The following RGL1 variants were observed in gnomAD, a reference collection of about 807,000 sequenced individuals.
RGL1 encodes the protein ral guanine nucleotide dissociation stimulator like 1, also known as ral guanine nucleotide dissociation stimulator-like 1.
In RGL1, 24 loss-of-function variants were observed where a neutral mutation model predicts 95.2. That is an observed-to-expected ratio of 0.25 (90% confidence interval 0.18 to 0.35). The LOEUF (loss-of-function observed/expected upper bound fraction) is 0.35, where lower values mean the gene tolerates loss of function less well. Among genes scored for constraint, RGL1 ranks in the 10% least tolerant of loss-of-function variants. The probability of loss-of-function intolerance (pLI) is 1.00; values close to 1 mark genes in which losing one functional copy is unlikely to be tolerated. For synonymous variants in RGL1, 329 were observed against 344.9 expected (o/e 0.95, Z 0.51); for missense variants, 715 against 936.3 (o/e 0.76, Z 3.08).
At chr1:183,865,746 G>A (rs1015340709) in intron 3 of RGL1, among the ~76,000 whole-genome samples, 1 of 152,162 alleles carries the variant, frequency 6.6e-6, no homozygotes, top group Non-Finnish European at 1.5e-5. Context: ...TAAATGTTAA[G>A]TGTTAATATT....
chr1:183,656,927 T>C (rs1361794828), intron 1 of RGL1, among the ~76,000 whole-genome samples: 1 of 150,744 alleles, frequency 6.6e-6, no homozygotes, highest in Non-Finnish European at 1.5e-5. Flanking sequence ...CTAGCCAAAC[T>C]ACCCAATGTT....
intron 2 of RGL1, among the ~76,000 whole-genome samples, chr1:183,773,112 A>T (rs1377379749): frequency 6.6e-6 from 1 of 150,894 alleles, no homozygotes; most frequent in Non-Finnish European, 1.5e-5. Context: ...CACAACACCT[A>T]GCTCTTACTC....
At chr1:183,646,601 T>C (rs985331279) in intron 1 of RGL1, 1 of 152,232 alleles carries the variant, frequency 6.6e-6, no homozygotes, top group Admixed American at 6.5e-5. Context: ...GAAGTGTGTT[T>C]TGAAGATTTT....
At chr1:183,682,587 T>C (rs1424431454) in intron 1 of RGL1, among the ~76,000 whole-genome samples, 21 of 152,216 alleles carry the variant, frequency 1.4e-4, no homozygotes, top group South Asian at 1.0e-3. Flanking sequence ...TTACTTTGAA[T>C]TATGTGGTCA....
At chr1:183,876,328 C>T (rs922291680) in intron 4 of RGL1, among the ~76,000 whole-genome samples, 2 of 152,226 alleles carry the variant, frequency 1.3e-5, no homozygotes, top group African/African-American at 4.8e-5. Flanking sequence ...CCCCTATAGA[C>T]GATTGCAGTC....
chr1:183,770,040 T>A (rs1340484452), intron 2 of RGL1, among the ~76,000 whole-genome samples: 1 of 152,218 alleles, frequency 6.6e-6, no homozygotes, highest in African/African-American at 2.4e-5. Flanking sequence ...ATGACTTTAT[T>A]AACACACATA....
At chr1:183,805,971 C>CTTTTCTTTTTTTTTTTTTTTTT (rs1661282214) in intron 1 of RGL1, among the ~76,000 whole-genome samples, 1 of 74,676 alleles carries the variant, frequency 1.3e-5, no homozygotes, top group African/African-American at 5.1e-5. Flanking sequence ...CTTTTCTTTT[C>CTTTTCTTTTTTTTTTTTTTTTT]TTTTTTTTTT....
chr1:183,696,850 C>A (rs1402435566), intron 1 of RGL1, among the ~76,000 whole-genome samples: 1 of 152,204 alleles, frequency 6.6e-6, no homozygotes, highest in Non-Finnish European at 1.5e-5. Context: ...TCAAATACAT[C>A]CAGAATCTGA....
chr1:183,795,845 G>C (rs996432493), intron 2 of RGL1, among the ~76,000 whole-genome samples: 1 of 152,194 alleles, frequency 6.6e-6, no homozygotes, highest in Non-Finnish European at 1.5e-5. Context: ...TGAACAGTTT[G>C]TGGGGCTTAT....
chr1:183,905,030 A>G, intron 13 of RGL1, 59 bp downstream of exon 13: 2 of 1,570,168 alleles, frequency 1.3e-6, no homozygotes, highest in African/African-American at 1.4e-5. Context: ...AAAATGCTGC[A>G]TTTAATACCT....
intron 2 of RGL1, among the ~76,000 whole-genome samples, chr1:183,821,979 G>A (rs1662519364): frequency 6.6e-6 from 1 of 152,120 alleles, no homozygotes; most frequent in Non-Finnish European, 1.5e-5. Flanking sequence ...AAGCATGTCT[G>A]TCTTCTTCCT....
chr1:183,700,506 G>A (rs921275646), intron 1 of RGL1, among the ~76,000 whole-genome samples: 8 of 149,900 alleles, frequency 5.3e-5, no homozygotes, highest in Admixed American at 1.3e-4. Flanking sequence ...ATAGGTATAC[G>A]TGTTCCATGG....
At chr1:183,798,607 T>C (rs1660816340) in intron 2 of RGL1, among the ~76,000 whole-genome samples, 1 of 152,082 alleles carries the variant, frequency 6.6e-6, no homozygotes, top group Non-Finnish European at 1.5e-5. Context: ...TAATAGAGTA[T>C]TGGTAGCTAT....
At chr1:183,837,691 T>TGTTAATTCTTAAGGC (rs1182912928) in intron 2 of RGL1, among the ~76,000 whole-genome samples, 5 of 152,210 alleles carry the variant, frequency 3.3e-5, no homozygotes, top group Admixed American at 3.3e-4. Flanking sequence ...AAATGCAACC[T>TGTTAATTCTTAAGGC]GTTAATTCAT....
At chr1:183,875,494 A>T (rs1401914411) in intron 4 of RGL1, among the ~76,000 whole-genome samples, 1 of 152,140 alleles carries the variant, frequency 6.6e-6, no homozygotes, top group Non-Finnish European at 1.5e-5. Context: ...AGAAGTTCTG[A>T]ACCATTTTCT....
At chr1:183,672,079 C>T (rs755829891) in intron 1 of RGL1, among the ~76,000 whole-genome samples, 4 of 151,874 alleles carry the variant, frequency 2.6e-5, no homozygotes, top group Non-Finnish European at 5.9e-5. Context: ...ATTACAGGCA[C>T]CCACCACCAT....
At chr1:183,794,474 A>T (rs138588845) in intron 2 of RGL1, among the ~76,000 whole-genome samples, 294 of 152,362 alleles carry the variant, frequency 1.9e-3, no homozygotes, top group African/African-American at 6.7e-3. Flanking sequence ...GTTTGAAATG[A>T]TGGATATCCT....
At chr1:183,659,935 G>A (rs1651483983) in intron 1 of RGL1, among the ~76,000 whole-genome samples, 1 of 149,768 alleles carries the variant, frequency 6.7e-6, no homozygotes, top group Non-Finnish European at 1.5e-5. Context: ...TTTCAACCCA[G>A]AACTTCATAT....
At chr1:183,867,322 C>A (rs1243415490) in intron 4 of RGL1, among the ~76,000 whole-genome samples, 1 of 147,268 alleles carries the variant, frequency 6.8e-6, no homozygotes, top group Non-Finnish European at 1.5e-5. Context: ...TGGAACAGAG[C>A]AGCTTTGGGG....
Sources: gnomAD v4.1 joint callset for allele counts (sites outside exome capture counted in the v4.1 genomes callset) on GRCh38, gnomAD v4.1.1 for gene constraint, MANE v1.5 for transcripts, NCBI Gene and HGNC (gene_info 2026-07-23, HGNC 2026-07-21) for gene names.